Variants in PCDHA9 observed in about 807,000 individuals in gnomAD.
PCDHA9 encodes the protein protocadherin alpha 9.
Under a neutral mutation model 62.0 loss-of-function variants are expected in PCDHA9, and 62 were observed. That is an observed-to-expected ratio of 1.00 (90% confidence interval 0.81 to 1.23). The LOEUF is 1.23. Ranked by LOEUF, PCDHA9 falls within the 50% of genes most tolerant of loss-of-function variation. The pLI, the probability that PCDHA9 is intolerant of heterozygous loss-of-function variation, is 0.00. For missense variants in PCDHA9, 1,205 were observed against 1,249.8 expected (o/e 0.96, Z 0.54); for synonymous variants, 557 against 567.6 (o/e 0.98, Z 0.27).
At chr5:140,890,629 A>G (rs6883083) in intron 1 of PCDHA9, among the ~76,000 whole-genome samples, 2 of 152,158 alleles carry the variant, frequency 1.3e-5, no homozygotes, top group Admixed American at 1.3e-4. Context: ...AAAATTAAGC[A>G]TGTATCCTTG....
intron 1 of PCDHA9, among the ~76,000 whole-genome samples, chr5:140,971,134 G>A (rs1387380195): frequency 6.6e-6 from 1 of 152,170 alleles, no homozygotes; most frequent in African/African-American, 2.4e-5. Context: ...GTGGTGAAGA[G>A]GCATGAACAA....
chr5:140,973,203 A>T (rs1554234958), intron 1 of PCDHA9, among the ~76,000 whole-genome samples: 1 of 152,196 alleles, frequency 6.6e-6, no homozygotes, highest in Non-Finnish European at 1.5e-5. Flanking sequence ...ATGTGTGCAT[A>T]TTCACCCTAA....
At chr5:140,872,512 A>T (rs2053716713) in intron 1 of PCDHA9, among the ~76,000 whole-genome samples, 1 of 152,126 alleles carries the variant, frequency 6.6e-6, no homozygotes, top group Admixed American at 6.5e-5. Context: ...CTGTAGTCCC[A>T]GTTTCTTGGG....
intron 1 of PCDHA9, among the ~76,000 whole-genome samples, chr5:140,903,428 T>C (rs954463543): frequency 2.0e-5 from 3 of 152,210 alleles, no homozygotes; most frequent in Non-Finnish European, 4.4e-5. Flanking sequence ...CAGCACAATA[T>C]GTATCAGTGG....
intron 1 of PCDHA9, chr5:140,927,052 A>G: frequency 6.2e-7 from 1 of 1,611,924 alleles, no homozygotes; most frequent in Middle Eastern, 1.7e-4. Flanking sequence ...GTCCTCGCGG[A>G]ACTTTCGCTT....
intron 1 of PCDHA9, chr5:140,926,750 G>T: frequency 8.0e-7 from 1 of 1,256,516 alleles, no homozygotes; most frequent in East Asian, 2.9e-5. Context: ...AACGTCGGCG[G>T]TCGCTGAGTA....
chr5:140,869,189 G>T (rs1554162601), intron 1 of PCDHA9: 1 of 1,613,836 alleles, frequency 6.2e-7, no homozygotes, highest in African/African-American at 1.3e-5. Flanking sequence ...GTGGGGAGCG[G>T]CCAGCTCCAC....
chr5:140,858,243 C>G (rs781796341), intron 1 of PCDHA9: 1 of 1,595,896 alleles, frequency 6.3e-7, no homozygotes, highest in Non-Finnish European at 8.6e-7. Flanking sequence ...GCATGTGGGC[C>G]GGTGAAGCCC....
At chr5:140,968,410 T>A (rs1554230678) in intron 1 of PCDHA9, 2 of 1,614,040 alleles carry the variant, frequency 1.2e-6, no homozygotes, top group Non-Finnish European at 1.7e-6. Flanking sequence ...TCTTTGTGAC[T>A]GTGGAGGCTC....
chr5:140,875,816 A>C lies in PCDHA9; in HGVS notation c.2394+24927A>C, dbSNP rs570265935. On this transcript the variant is annotated intron_variant, in intron 1 of 3. Coordinates refer to ENST00000532602, the MANE Select transcript of PCDHA9 (RefSeq NM_031857.2). ...GAGGTGATCGTGGACAGGCCGCTGC[A>C]GGTTTTCCATGTGGACGTGGAGGTG... is the stretch of plus-strand genomic sequence containing the variant. 24 of 1,614,198 alleles carry C rather than the reference A, an allele frequency of 1.5e-5. No individual in the cohort carries two copies. The South Asian group carries it at 2.6e-4, about 18-fold the overall frequency.
At chr5:140,958,339 G>A (rs1177083248) in intron 1 of PCDHA9, among the ~76,000 whole-genome samples, 2 of 152,024 alleles carry the variant, frequency 1.3e-5, no homozygotes, top group African/African-American at 4.8e-5. Context: ...TAAATCACAG[G>A]AAGTTCACAG....
At chr5:140,851,516 TA>T in intron 1 of PCDHA9, 1 of 906,320 alleles carries the variant, frequency 1.1e-6, no homozygotes, top group Non-Finnish European at 1.3e-6. Flanking sequence ...AAATATGTTT[TA>T]AAATGCCTGA....
intron 1 of PCDHA9, among the ~76,000 whole-genome samples, chr5:140,960,366 ACT>A (rs2095543381): frequency 6.6e-6 from 1 of 152,188 alleles, no homozygotes; most frequent in Non-Finnish European, 1.5e-5. Flanking sequence ...TAATATGCCA[ACT>A]CTTAAGTGCC....
chr5:140,906,023 G>A (rs952070346), intron 1 of PCDHA9, among the ~76,000 whole-genome samples: 7 of 152,128 alleles, frequency 4.6e-5, no homozygotes, highest in Admixed American at 3.3e-4. Flanking sequence ...ATCTCTCCAC[G>A]TTCTTCTGTC....
chr5:140,848,419 T>C lies in PCDHA9; in HGVS notation c.-77T>C. On this transcript the variant is annotated 5_prime_UTR_variant, in exon 1 of 4. It removes an upstream start codon present in the reference 5' UTR. Transcript: ENST00000532602. ...CTGAACGATGGCGAACACAGCAGAA[T>C]GGGACTGACGAAATCAGATGATTTC... 1 of 1,412,874 alleles carries C rather than the reference T, an allele frequency of 7.1e-7. No homozygotes were observed. Among genetic ancestry groups the C allele is most frequent in the Non-Finnish European group, 9.7e-7 (1 of 1,027,518 alleles). The allele number at this position is 1,412,874 out of a possible 1,614,324, so 87.5% of individuals were successfully genotyped here. A position where few individuals can be genotyped will look rare whatever the true frequency, so the allele number is the denominator to read the frequency against.
At chr5:140,958,946 ATAT>A (rs34256413) in intron 1 of PCDHA9, among the ~76,000 whole-genome samples, 85,222 of 151,486 alleles carry the variant, frequency 0.56, 24,557 homozygotes, top group African/African-American at 0.69. Flanking sequence ...TAATAATATT[ATAT>A]TATTATAATT....
chr5:140,958,077 A>G (rs2095408004), intron 1 of PCDHA9, among the ~76,000 whole-genome samples: 2 of 152,124 alleles, frequency 1.3e-5, no homozygotes, highest in South Asian at 4.1e-4. Flanking sequence ...AGAAGCAAAA[A>G]GTAAAGTTGT....
chr5:140,953,842 T>A (rs1369287853), intron 1 of PCDHA9, among the ~76,000 whole-genome samples: 2 of 152,214 alleles, frequency 1.3e-5, no homozygotes, highest in Non-Finnish European at 2.9e-5. Flanking sequence ...GTTACCCAGG[T>A]AAACATGTGC....
chr5:140,883,147 T>C, intron 1 of PCDHA9: 2 of 1,614,064 alleles, frequency 1.2e-6, no homozygotes, highest in Non-Finnish European at 1.7e-6. Context: ...TATATGCATT[T>C]ACCATAAATC....
Sources: allele counts gnomAD v4.1 joint callset (sites outside exome capture counted in the v4.1 genomes callset), GRCh38; gene constraint gnomAD v4.1.1; transcripts MANE v1.5; gene names NCBI Gene and HGNC (gene_info 2026-07-23, HGNC 2026-07-21).